Variants in COL21A1 observed in about 807,000 individuals in gnomAD.
COL21A1 encodes the protein collagen alpha-1(XXI) chain.
Under a neutral mutation model 137.9 loss-of-function variants are expected in COL21A1, and 149 were observed. The observed-to-expected ratio is 1.08, with a 90% CI of 0.95 to 1.24. COL21A1 has a LOEUF of 1.24. Among genes scored for constraint, COL21A1 ranks in the 50% most tolerant of loss-of-function variants. The pLI is 0.00. For missense variants in COL21A1, 1,167 were observed against 1,158.4 expected (o/e 1.01, Z -0.11); for synonymous variants, 456 against 391.5 (o/e 1.16, Z -1.95).
rs60388494 is a variant in COL21A1, at chr6:56,316,477, C to CTTTTTTTTTTTTTTT, written c.-39+77479_-39+77493dup. 2.8e-4 allele frequency among the ~76,000 whole-genome samples: 21 copies of CTTTTTTTTTTTTTTT among 75,786 alleles called. 4 individuals are homozygous for CTTTTTTTTTTTTTTT. Among genetic ancestry groups the CTTTTTTTTTTTTTTT allele is most frequent in the Admixed American group, 7.0e-4 (3 of 4,274 alleles). The allele number at this position is 75,786 out of a possible 152,430, so 49.7% of individuals were successfully genotyped here. A position where few individuals can be genotyped will look rare whatever the true frequency, so the allele number is the denominator to read the frequency against. The stretch of plus-strand genomic sequence containing the variant: ...CACACCTTTTAAAATTCTAAATAGA[C>CTTTTTTTTTTTTTTT]TTTTTTTTTTTTTTTTTTTTTTGAG... On this transcript the variant is annotated intron_variant, in intron 1 of 28. Transcript: ENST00000370819.
chr6:56,264,776 C>T (rs1763358166), intron 1 of COL21A1, among the ~76,000 whole-genome samples: 1 of 152,198 alleles, frequency 6.6e-6, no homozygotes, highest in African/African-American at 2.4e-5. Flanking sequence ...ATCATCTAAA[C>T]TCCAAGTTCT....
chr6:56,316,716 A>C (rs1164924159), intron 1 of COL21A1, among the ~76,000 whole-genome samples: 1 of 138,132 alleles, frequency 7.2e-6, no homozygotes, highest in Non-Finnish European at 1.7e-5. Flanking sequence ...TCCTGGCCTC[A>C]AGTGATCCAC....
At chr6:56,167,898 AG>A (rs1301743752) in intron 6 of COL21A1, among the ~76,000 whole-genome samples, 7 of 152,166 alleles carry the variant, frequency 4.6e-5, no homozygotes, top group African/African-American at 1.4e-4. Flanking sequence ...TCCTGAACCC[AG>A]GGGAACATTT....
At chr6:56,168,717 C>T (rs1295313784) in intron 5 of COL21A1, among the ~76,000 whole-genome samples, 1 of 151,938 alleles carries the variant, frequency 6.6e-6, no homozygotes, top group Non-Finnish European at 1.5e-5. Flanking sequence ...TTTCTTCCTC[C>T]CTAGTTGCTC....
chr6:56,247,837 G>T (rs1782735424), upstream of COL21A1: 2 of 152,960 alleles, frequency 1.3e-5, no homozygotes, highest in South Asian at 4.1e-4. Context: ...AAGCAGGAAA[G>T]GCAACTCAGT....
chr6:56,088,140 G>T (rs1260917833), intron 17 of COL21A1, among the ~76,000 whole-genome samples: 1 of 152,088 alleles, frequency 6.6e-6, no homozygotes, highest in Non-Finnish European at 1.5e-5. Flanking sequence ...GAGGTGGGTG[G>T]ATCACCTGAG....
chr6:56,300,620 T>G (rs550499945), intron 1 of COL21A1, among the ~76,000 whole-genome samples: 2 of 152,288 alleles, frequency 1.3e-5, no homozygotes, highest in Non-Finnish European at 2.9e-5. Context: ...ATCCATTAAC[T>G]GTCAATCTAC....
chr6:56,312,644 G>A (rs1289786534), intron 1 of COL21A1, among the ~76,000 whole-genome samples: 1 of 152,116 alleles, frequency 6.6e-6, no homozygotes. Context: ...TGAATTGAAG[G>A]CTAGAAGAGA....
intron 1 of COL21A1, among the ~76,000 whole-genome samples, chr6:56,336,223 T>C (rs1765328311): frequency 6.6e-6 from 1 of 152,194 alleles, no homozygotes; most frequent in Non-Finnish European, 1.5e-5. Context: ...GGGGCACAGC[T>C]ATCTGTTTTA....
chr6:56,380,805 T>C (rs1322385884), intron 1 of COL21A1, among the ~76,000 whole-genome samples: 2 of 152,218 alleles, frequency 1.3e-5, no homozygotes, highest in East Asian at 3.8e-4. Flanking sequence ...GTGGTGTGCC[T>C]ATGGAGAAAA....
intron 1 of COL21A1, among the ~76,000 whole-genome samples, chr6:56,289,920 G>T (rs1047044770): frequency 1.3e-5 from 2 of 152,052 alleles, no homozygotes; most frequent in African/African-American, 2.4e-5. Context: ...CACTGGGCTG[G>T]GCAGTTATCT....
chr6:56,311,579 A>G (rs1461194623), intron 1 of COL21A1, among the ~76,000 whole-genome samples: 2 of 152,216 alleles, frequency 1.3e-5, no homozygotes, highest in Non-Finnish European at 2.9e-5. Flanking sequence ...ACTTTTGAAG[A>G]GAACTGCTAC....
chr6:56,308,578 G>A (rs1254035569), intron 1 of COL21A1, among the ~76,000 whole-genome samples: 1 of 152,158 alleles, frequency 6.6e-6, no homozygotes, highest in Non-Finnish European at 1.5e-5. Context: ...CTGGGGAAAT[G>A]GGAAATGCAA....
intron 10 of COL21A1, among the ~76,000 whole-genome samples, chr6:56,152,055 G>A (rs181799072): frequency 9.4e-4 from 143 of 152,320 alleles, no homozygotes; most frequent in African/African-American, 3.4e-3. Context: ...AAACACAGCA[G>A]CTTAAAACAA....
At chr6:56,211,826 T>TTAGTTAGGCTAATAA (rs1214460791) in intron 1 of COL21A1, among the ~76,000 whole-genome samples, 3 of 152,084 alleles carry the variant, frequency 2.0e-5, no homozygotes, top group African/African-American at 7.2e-5. Flanking sequence ...GCCAGCCTAA[T>TTAGTTAGGCTAATAA]TAATAAAATA....
chr6:56,068,097 C>T (rs770171994), intron 22 of COL21A1, among the ~76,000 whole-genome samples: 10 of 151,614 alleles, frequency 6.6e-5, no homozygotes, highest in Non-Finnish European at 1.2e-4. Context: ...AGTAGATTTA[C>T]TTAACATTTA....
chr6:56,113,667 C>G (rs1434936734), intron 16 of COL21A1, among the ~76,000 whole-genome samples: 1 of 152,126 alleles, frequency 6.6e-6, no homozygotes, highest in Non-Finnish European at 1.5e-5. Flanking sequence ...ACTCCTTCTG[C>G]TTGAGACAAG....
At chr6:56,188,029 C>T (rs1778411207) in intron 1 of COL21A1, among the ~76,000 whole-genome samples, 1 of 152,082 alleles carries the variant, frequency 6.6e-6, no homozygotes, top group South Asian at 2.1e-4. Flanking sequence ...CCAATAAGCA[C>T]ATAATATAGT....
At chr6:56,083,029 T>C (rs1419520971) in intron 17 of COL21A1, among the ~76,000 whole-genome samples, 3 of 151,786 alleles carry the variant, frequency 2.0e-5, no homozygotes, top group African/African-American at 7.3e-5. Flanking sequence ...AAATTAAATA[T>C]GTTTTCTATT....
Sources: allele counts gnomAD v4.1 joint callset (sites outside exome capture counted in the v4.1 genomes callset), GRCh38; gene constraint gnomAD v4.1.1; transcripts MANE v1.5; gene names NCBI Gene and HGNC (gene_info 2026-07-23, HGNC 2026-07-21).